Variants in CPT1A observed in about 807,000 individuals in gnomAD.
CPT1A encodes the protein carnitine palmitoyltransferase 1A, also known as carnitine O-palmitoyltransferase 1, liver isoform.
Under a neutral mutation model 100.8 loss-of-function variants are expected in CPT1A, and 64 were observed. The ratio of observed to expected loss-of-function variants is 0.63; its 90% CI spans 0.52 to 0.78. The LOEUF is 0.78. Ranked by LOEUF, CPT1A falls within the 30% of genes least tolerant of loss-of-function variation. The pLI, the probability that CPT1A is intolerant of heterozygous loss-of-function variation, is 0.00. For missense variants in CPT1A, 802 were observed against 1,034.1 expected (o/e 0.78, Z 3.08); for synonymous variants, 363 against 396.0 (o/e 0.92, Z 0.99).
intron 9 of CPT1A, among the ~76,000 whole-genome samples, chr11:68,786,792 G>T (rs954241251): frequency 6.6e-6 from 1 of 152,164 alleles, no homozygotes; most frequent in Admixed American, 6.5e-5. Context: ...GCCTCCCAAA[G>T]TGCTGGGATT....
intron 1 of CPT1A, among the ~76,000 whole-genome samples, chr11:68,819,511 T>C (rs1856523458): frequency 6.6e-6 from 1 of 152,240 alleles, no homozygotes; most frequent in South Asian, 2.1e-4. Flanking sequence ...CTCTGCACGA[T>C]TGATAAGATC....
intron 2 of CPT1A, 100 bp from the exon 3 acceptor site, chr11:68,812,676 A>G: frequency 7.1e-7 from 1 of 1,399,748 alleles, no homozygotes; most frequent in Non-Finnish European, 1.0e-6. Context: ...GACAGCAGGC[A>G]GTGAGAAGAG....
At chr11:68,796,635 C>T (rs567523462) in intron 7 of CPT1A, among the ~76,000 whole-genome samples, 1 of 152,326 alleles carries the variant, frequency 6.6e-6, no homozygotes, top group South Asian at 2.1e-4. Context: ...CTTATTTTTG[C>T]AACCCAAATC....
chr11:68,794,674 G>A (rs922794373), intron 8 of CPT1A, 130 bp downstream of exon 8: 3 of 815,008 alleles, frequency 3.7e-6, no homozygotes, highest in African/African-American at 3.4e-5. Flanking sequence ...GCCTCCCAAA[G>A]TGCCAAGATT....
chr11:68,795,400 G>A (rs1855729271), intron 7 of CPT1A, among the ~76,000 whole-genome samples: 1 of 152,206 alleles, frequency 6.6e-6, no homozygotes, highest in Non-Finnish European at 1.5e-5. Context: ...TACACACCAT[G>A]TCCCCATTGA....
At chr11:68,794,260 G>A (rs1360849711) in intron 8 of CPT1A, among the ~76,000 whole-genome samples, 1 of 152,132 alleles carries the variant, frequency 6.6e-6, no homozygotes, top group Non-Finnish European at 1.5e-5. Context: ...AGTAGACCAG[G>A]GGGTCCAGGA....
rs1033290949 is a variant in CPT1A, at chr11:68,763,306, A to AC, written c.1741-546dup. Among the ~76,000 whole-genome samples the AC allele has an allele frequency of 1.6e-3, 235 of 143,418 alleles. 1 individual carries two copies. The highest frequency in any genetic ancestry group is 4.6e-3 in the African/African-American group (177 of 38,344). 94.1% of individuals were successfully genotyped at this position (143,418 alleles called of 152,430 possible). On this transcript the variant is annotated intron_variant, in intron 14 of 18. Transcript: ENST00000265641. ...TTCAAGATGCAACTGATACTATGAC[A>AC]CCCCCCCCACCCCCGAGTCCAACAC...
At chr11:68,833,564 C>T (rs1037507037) in intron 1 of CPT1A, among the ~76,000 whole-genome samples, 8 of 152,186 alleles carry the variant, frequency 5.3e-5, no homozygotes, top group African/African-American at 1.7e-4. Context: ...CAAAACCAGC[C>T]TGGCCAACAT....
intron 5 of CPT1A, among the ~76,000 whole-genome samples, chr11:68,801,068 C>T (rs1294039886): frequency 6.6e-6 from 1 of 152,110 alleles, no homozygotes; most frequent in Non-Finnish European, 1.5e-5. Context: ...AGGACGGTGC[C>T]ACTGCATTCC....
chr11:68,830,525 G>A (rs1856850353), intron 1 of CPT1A, among the ~76,000 whole-genome samples: 1 of 152,202 alleles, frequency 6.6e-6, no homozygotes, highest in Non-Finnish European at 1.5e-5. Context: ...ACCACACAGA[G>A]ATGCAGAATA....
upstream of CPT1A, among the ~76,000 whole-genome samples, chr11:68,842,775 AG>A (rs1336260142): frequency 6.6e-6 from 1 of 151,754 alleles, no homozygotes; most frequent in Non-Finnish European, 1.5e-5. Flanking sequence ...GTCTAGGGCG[AG>A]CGCAGCTGCA....
rs747314986 is a variant in CPT1A at position 68,785,053 on chromosome 11, A to G, written c.968-43T>C. On this transcript the variant is annotated intron_variant, in intron 9 of 18. Transcript: ENST00000265641. ...TGGAGACACAAAACCAAGAGTCCCA[A>G]GTTCAGCACGTGCTGAGACGACCGT... is the stretch of plus-strand genomic sequence containing the variant. The G allele has an allele frequency of 3.1e-6, 5 of 1,587,472 alleles. No individual in the cohort carries two copies. In the South Asian group the frequency reaches 5.5e-5, roughly 18 times the overall value.
chr11:68,828,748 C>T (rs969670816), intron 1 of CPT1A, among the ~76,000 whole-genome samples: 9 of 152,182 alleles, frequency 5.9e-5, no homozygotes, highest in Admixed American at 1.3e-4. Context: ...GGCAAGCGTC[C>T]GCCTCCTCTG....
chr11:68,814,016 G>A (rs1856302145), intron 2 of CPT1A, among the ~76,000 whole-genome samples: 1 of 152,084 alleles, frequency 6.6e-6, no homozygotes, highest in Non-Finnish European at 1.5e-5. Flanking sequence ...GCCCACTTCA[G>A]TGCCGCCCTC....
upstream of CPT1A, chr11:68,841,981 C>A: frequency 1.0e-6 from 1 of 985,246 alleles, no homozygotes; most frequent in South Asian, 4.5e-5. This position sits in a 1 kb window ranked among gnomAD's most constrained non-coding sequence, Gnocchi z 6.3. Context: ...AGGGCGGGCC[C>A]GGGGCCTCGG....
Position 68,800,293 on chromosome 11 carries a change from T to G in CPT1A, c.556-938A>C, listed in dbSNP as rs145043747. On this transcript the variant is annotated intron_variant, in intron 5 of 18. Coordinates refer to ENST00000265641, the MANE Select transcript of CPT1A (RefSeq NM_001876.4). ...TCAGAGGTGGAAACACAGAGAGCAA[T>G]TGTTTAAAAAGACACTCAAAAGCTT... Among the ~76,000 whole-genome samples, 6 of 152,166 alleles carry G rather than the reference T, an allele frequency of 3.9e-5. No homozygotes were observed. In the East Asian group the frequency reaches 1.2e-3, roughly 29 times the overall value.
At chr11:68,834,998 CA>C (rs11418561) in intron 1 of CPT1A, among the ~76,000 whole-genome samples, 1 of 146,474 alleles carries the variant, frequency 6.8e-6, no homozygotes. Flanking sequence ...GACTCCATCT[CA>C]AAAAAAAAAA....
In CPT1A at chr11:68,812,575, T is replaced by C. The variant is rs1566375579; in HGVS notation, c.143A>G (p.Asn48Ser). The change falls in exon 3 of 19, where the codon AAC (asparagine) becomes AGC (serine). Residue 48 changes from asparagine to serine, a missense_variant and splice_region_variant. Around this residue, in one of 4 missense-constraint regions of CPT1A, gnomAD observed 161 missense variants for 183.7 expected, o/e 0.88. Coordinates refer to ENST00000265641, the MANE Select transcript of CPT1A (RefSeq NM_001876.4). ...SWKKKFIRFK[N>S]GIITGVYPAS... ...CGGGTACACGCCAGTGATGATGCCG[T>C]TCTAAAGACAGACACCCGGGCCGTG... The C allele has an allele frequency of 6.2e-7, 1 of 1,614,032 alleles. No individual in the cohort carries two copies. Among genetic ancestry groups the C allele is most frequent in the Non-Finnish European group, 8.5e-7 (1 of 1,179,986 alleles).
Position 68,796,843 on chromosome 11 carries a change from C to T in CPT1A, c.771+13G>A, listed in dbSNP as rs996371611. 3.7e-6 allele frequency: 6 copies of T among 1,613,182 alleles called. No homozygotes were observed. Among genetic ancestry groups the T allele is most frequent in the Middle Eastern group, 3.3e-4 (2 of 6,062 alleles). ...CGTCCTCGTCAGACAGCAGCCCGGG[C>T]GGGTGGACTCACCATGGCATAATAG... On this transcript the variant is annotated intron_variant, in intron 7 of 18. Coordinates refer to ENST00000265641, the MANE Select transcript of CPT1A (RefSeq NM_001876.4).
Sources: gnomAD v4.1 joint callset for allele counts (sites outside exome capture counted in the v4.1 genomes callset) on GRCh38, gnomAD v4.1.1 for gene constraint, gnomAD v4.1.1 regional missense constraint, Gnocchi (gnomAD v3.1) non-coding constraint, MANE v1.5 for transcripts, NCBI Gene and HGNC (gene_info 2026-07-23, HGNC 2026-07-21) for gene names.